Variants in ELAVL2 observed in about 807,000 individuals in gnomAD.
The protein encoded by ELAVL2 is ELAV like RNA binding protein 2, also known as ELAV-like protein 2.
Under a neutral mutation model 34.6 loss-of-function variants are expected in ELAVL2, and 4 were observed. The observed-to-expected ratio is 0.12, with a 90% CI of 0.06 to 0.26. ELAVL2 has a LOEUF of 0.26. Among genes scored for constraint, ELAVL2 ranks in the 10% least tolerant of loss-of-function variants. ELAVL2 has a pLI of 1.00. For missense variants in ELAVL2, 432 were observed against 442.8 expected (o/e 0.98, Z 0.22); for synonymous variants, 193 against 154.8 (o/e 1.25, Z -1.83).
intron 1 of ELAVL2, among the ~76,000 whole-genome samples, chr9:23,811,194 G>GA (rs945046568): frequency 4.6e-5 from 7 of 151,992 alleles, no homozygotes; most frequent in African/African-American, 1.7e-4. Context: ...AACTGTTTGG[G>GA]AAAAAATTTT....
chr9:23,793,503 A>G (rs968440692), intron 1 of ELAVL2, among the ~76,000 whole-genome samples: 8 of 152,096 alleles, frequency 5.3e-5, no homozygotes, highest in African/African-American at 1.9e-4. Flanking sequence ...CTTTTTTTCT[A>G]AAGCTATCAC....
At chr9:23,731,300 C>A (rs1042539570) in intron 2 of ELAVL2, among the ~76,000 whole-genome samples, 175 bp from the exon 3 acceptor site, 3 of 151,880 alleles carry the variant, frequency 2.0e-5, no homozygotes, top group Non-Finnish European at 4.4e-5. Context: ...CTGTCTACTA[C>A]ATTTTCAAGT....
At chr9:23,794,171 A>G (rs752205429) in intron 1 of ELAVL2, among the ~76,000 whole-genome samples, 4 of 152,228 alleles carry the variant, frequency 2.6e-5, no homozygotes, top group Non-Finnish European at 5.9e-5. Flanking sequence ...AAGCTGCTTC[A>G]TGAGCTTATC....
intron 5 of ELAVL2, among the ~76,000 whole-genome samples, chr9:23,693,898 G>GTGC (rs2034162611): frequency 1.3e-5 from 2 of 152,192 alleles, no homozygotes; most frequent in Non-Finnish European, 2.9e-5. Flanking sequence ...GGTTTAAGTG[G>GTGC]CTTGCTCAAG....
At position 23,692,862 on chromosome 9, in the gene ELAVL2, C is replaced by T. The variant is rs2132659116; in HGVS notation, c.775G>A (p.Gly259Arg). The change falls in exon 7 of 7, where the codon GGA becomes AGA. Residue 259 changes from glycine to arginine, a missense_variant. Gly to Arg is a moderately radical substitution (Grantham distance 125). Transcript: ENST00000397312. ...VKRFSPMTID[G>R]MTSLAGINIP... Reference sequence around the variant, plus strand: ...TTAATTCCAGCCAAACTGGTCATTCCGTCAATGGTCATTGGAGAAAACCTG... The same window carrying T: ...TTAATTCCAGCCAAACTGGTCATTCTGTCAATGGTCATTGGAGAAAACCTG... The T allele has an allele frequency of 6.2e-7, 1 of 1,613,792 alleles. No individual in the cohort carries two copies. The highest frequency in any genetic ancestry group is 8.5e-7 in the Non-Finnish European group (1 of 1,179,780).
chr9:23,774,835 T>C (rs941241621), intron 1 of ELAVL2, among the ~76,000 whole-genome samples: 1 of 151,818 alleles, frequency 6.6e-6, no homozygotes, highest in African/African-American at 2.4e-5. Flanking sequence ...AAAACAAGAG[T>C]GTAGAAATCT....
intron 1 of ELAVL2, among the ~76,000 whole-genome samples, chr9:23,768,279 T>C (rs2056693086): frequency 6.6e-6 from 1 of 152,166 alleles, no homozygotes; most frequent in Non-Finnish European, 1.5e-5. Flanking sequence ...GCTTTGTTTA[T>C]GCAGTCCCAT....
intron 1 of ELAVL2, among the ~76,000 whole-genome samples, chr9:23,822,180 T>G (rs919855717): frequency 2.0e-5 from 3 of 152,278 alleles, no homozygotes; most frequent in Admixed American, 6.5e-5. Context: ...TATGTGTTCA[T>G]AAATGTATTT....
At chr9:23,742,276 G>GC (rs1427649689) in intron 2 of ELAVL2, among the ~76,000 whole-genome samples, 5 of 152,182 alleles carry the variant, frequency 3.3e-5, no homozygotes, top group East Asian at 1.9e-4. Flanking sequence ...TCCTCTTTCT[G>GC]CCCCCCGACC....
chr9:23,765,562 G>A (rs1220397725), intron 1 of ELAVL2, among the ~76,000 whole-genome samples: 1 of 152,116 alleles, frequency 6.6e-6, no homozygotes. Context: ...AAGACATTAA[G>A]AGAAGCTATA....
intron 1 of ELAVL2, among the ~76,000 whole-genome samples, chr9:23,797,815 C>T (rs566189214): frequency 6.6e-6 from 1 of 152,274 alleles, no homozygotes; most frequent in Non-Finnish European, 1.5e-5. Flanking sequence ...GTAATCCGAG[C>T]TACTCGGGTG....
intron 2 of ELAVL2, among the ~76,000 whole-genome samples, chr9:23,738,920 A>T (rs1449172021): frequency 6.6e-6 from 1 of 152,104 alleles, no homozygotes; most frequent in Admixed American, 6.5e-5. Flanking sequence ...CAGTCCCAGT[A>T]ATTATGAATC....
intron 1 of ELAVL2, among the ~76,000 whole-genome samples, chr9:23,780,852 T>C (rs367561926): frequency 1.5e-3 from 235 of 152,270 alleles, no homozygotes; most frequent in Non-Finnish European, 2.0e-3. Flanking sequence ...TTCAGGAAAT[T>C]TGGAGCAAAT....
intron 3 of ELAVL2, among the ~76,000 whole-genome samples, chr9:23,720,265 C>CA (rs2043332659): frequency 6.6e-6 from 1 of 151,880 alleles, no homozygotes; most frequent in Non-Finnish European, 1.5e-5. Context: ...CTCCGCCTCC[C>CA]AAGTTCAAGT....
In ELAVL2 at chr9:23,692,736, C is replaced by T. The variant is rs2033590590; in HGVS notation, c.901G>A (p.Ala301Thr). 1 of 1,614,062 alleles carries T rather than the reference C, an allele frequency of 6.2e-7. No individual in the cohort carries two copies. ...CGGATGACCTTCACATTGGTGACAG[C>T]TCCAAAAGGCCCAAACATTTGCCAC... ...ILWQMFGPFGAVTNVKVIRDF... is the reference protein window; with the variant it reads ...ILWQMFGPFGTVTNVKVIRDF... Residue 301 changes from alanine to threonine, a missense_variant, in exon 7 of 7, where the codon GCT becomes ACT. Physicochemically the swap from Ala to Thr is moderately conservative, Grantham distance 58. Coordinates refer to ENST00000397312, the MANE Select transcript of ELAVL2 (RefSeq NM_004432.5).
chr9:23,825,308 T>C (rs2065230914), intron 1 of ELAVL2, among the ~76,000 whole-genome samples: 1 of 152,168 alleles, frequency 6.6e-6, no homozygotes. Flanking sequence ...AAATTCCATC[T>C]GGCAATCCCA....
In ELAVL2 at chr9:23,806,274, T is replaced by G. The variant is rs533939230; in HGVS notation, c.-16+19532A>C. ...CACAATTAAAAGAAAAAAACTTGCA[T>G]GTAACATTTACCTTCAGCATATATA... On this transcript the variant is annotated intron_variant, in intron 1 of 6. Coordinates refer to ENST00000397312, the MANE Select transcript of ELAVL2 (RefSeq NM_004432.5). 1.4e-4 allele frequency among the ~76,000 whole-genome samples: 21 copies of G among 152,244 alleles called. 1 individual carries two copies. The South Asian group carries it at 1.5e-3, about 11-fold the overall frequency.
intron 2 of ELAVL2, among the ~76,000 whole-genome samples, chr9:23,753,463 A>T (rs1302310066): frequency 1.3e-5 from 2 of 152,196 alleles, no homozygotes; most frequent in African/African-American, 4.8e-5. Context: ...AAGCTGTGTC[A>T]TAGTTAAGGT....
intron 1 of ELAVL2, among the ~76,000 whole-genome samples, chr9:23,792,392 C>A (rs980231668): frequency 5.9e-5 from 9 of 152,224 alleles, no homozygotes; most frequent in African/African-American, 2.2e-4. Context: ...TGAATCAACA[C>A]TGTCATCTAT....
Sources: gnomAD v4.1 joint callset for allele counts (sites outside exome capture counted in the v4.1 genomes callset) on GRCh38, gnomAD v4.1.1 for gene constraint, MANE v1.5 for transcripts, NCBI Gene and HGNC (gene_info 2026-07-23, HGNC 2026-07-21) for gene names.